ROBO2: variants seen among roughly 807,000 people sequenced by gnomAD.
The protein encoded by ROBO2 is roundabout guidance receptor 2, also known as roundabout homolog 2.
Under a neutral mutation model 160.8 loss-of-function variants are expected in ROBO2, and 53 were observed. The ratio of observed to expected loss-of-function variants is 0.33; its 90% confidence interval spans 0.26 to 0.41. ROBO2 has a LOEUF of 0.41. Ranked by LOEUF, ROBO2 falls within the 10% of genes least tolerant of loss-of-function variation. The pLI is 1.00. For missense variants in ROBO2, 1,577 were observed against 1,722.4 expected (o/e 0.92, Z 1.49); for synonymous variants, 664 against 611.7 (o/e 1.09, Z -1.26).
chr3:77,341,044 A>C (rs1189433184), intron 2 of ROBO2, among the ~76,000 whole-genome samples: 1 of 152,182 alleles, frequency 6.6e-6, no homozygotes, highest in East Asian at 1.9e-4. Context: ...ATAATGTGTG[A>C]AAATAATGTG....
At chr3:77,610,773 T>G (rs376000599) in intron 21 of ROBO2, among the ~76,000 whole-genome samples, 3 of 62,478 alleles carry the variant, frequency 4.8e-5, no homozygotes, top group Admixed American at 1.8e-4. Context: ...AAAAAGAAAA[T>G]AAATATAATA....
chr3:76,272,545 C>T (rs949419916), intron 2 of ROBO2, among the ~76,000 whole-genome samples: 6 of 150,044 alleles, frequency 4.0e-5, no homozygotes, highest in African/African-American at 1.5e-4. Context: ...TGCCTGTAAT[C>T]CCAGCTACTT....
At chr3:77,079,507 G>GA (rs2068397869) in intron 1 of ROBO2, among the ~76,000 whole-genome samples, 1 of 152,030 alleles carries the variant, frequency 6.6e-6, no homozygotes, top group African/African-American at 2.4e-5. Context: ...CTTCGAATTT[G>GA]AGAAAAACCC....
chr3:77,067,562 A>AT, intron 1 of ROBO2, among the ~76,000 whole-genome samples: 1 of 152,152 alleles, frequency 6.6e-6, no homozygotes, highest in East Asian at 1.9e-4. Context: ...ATATCACAGG[A>AT]TTTTTGTGAG....
At chr3:76,654,701 C>T (rs994769252) in intron 2 of ROBO2, among the ~76,000 whole-genome samples, 37 of 151,922 alleles carry the variant, frequency 2.4e-4, no homozygotes, top group African/African-American at 6.8e-4. Flanking sequence ...AAAATTAGAT[C>T]ATAAGAAGCG....
chr3:76,326,602 CT>C (rs1304851492), intron 2 of ROBO2, among the ~76,000 whole-genome samples: 4 of 150,858 alleles, frequency 2.7e-5, no homozygotes, highest in African/African-American at 9.9e-5. Flanking sequence ...GAATTATTAT[CT>C]TTTATTTATT....
At chr3:76,465,368 A>G (rs973246084) in intron 2 of ROBO2, among the ~76,000 whole-genome samples, 1 of 152,108 alleles carries the variant, frequency 6.6e-6, no homozygotes, top group South Asian at 2.1e-4. Context: ...ATGAAAAAAT[A>G]GTGGGTAATA....
intron 2 of ROBO2, among the ~76,000 whole-genome samples, chr3:77,001,898 T>A (rs529310841): frequency 6.6e-6 from 1 of 152,276 alleles, no homozygotes; most frequent in African/African-American, 2.4e-5. Context: ...CCTATCTTCT[T>A]TTATGTGTTT....
chr3:76,026,844 T>G (rs1279797763), intron 2 of ROBO2, among the ~76,000 whole-genome samples: 1 of 151,936 alleles, frequency 6.6e-6, no homozygotes, highest in Non-Finnish European at 1.5e-5. Flanking sequence ...AGACTTTATA[T>G]AGATATTTGA....
chr3:76,941,555 T>C (rs775104222), intron 2 of ROBO2, among the ~76,000 whole-genome samples: 4 of 152,174 alleles, frequency 2.6e-5, no homozygotes, highest in East Asian at 1.9e-4. Context: ...AACTGAGTCA[T>C]CGTGCATGTT....
chr3:77,433,857 C>T (rs1171552795), intron 2 of ROBO2, among the ~76,000 whole-genome samples: 2 of 151,992 alleles, frequency 1.3e-5, no homozygotes, highest in Admixed American at 1.3e-4. Flanking sequence ...TGTCCCTTCC[C>T]TTTCCCTTAT....
chr3:77,277,176 C>CT (rs1324477545), intron 2 of ROBO2, among the ~76,000 whole-genome samples: 1 of 101,582 alleles, frequency 9.8e-6, no homozygotes, highest in South Asian at 3.6e-4. Flanking sequence ...TTCTTTCTTT[C>CT]TTTCTTTCTT....
At chr3:77,093,133 T>C (rs547312615) in intron 1 of ROBO2, among the ~76,000 whole-genome samples, 38 of 152,252 alleles carry the variant, frequency 2.5e-4, no homozygotes, top group African/African-American at 8.7e-4. Context: ...GCAGTGCTTA[T>C]CAAACGGTAT....
chr3:76,900,363 T>C (rs1240624191), intron 2 of ROBO2, among the ~76,000 whole-genome samples: 2 of 152,200 alleles, frequency 1.3e-5, no homozygotes, highest in South Asian at 4.1e-4. Context: ...TAAGCTTAGG[T>C]TGGTTGGAGA....
intron 2 of ROBO2, among the ~76,000 whole-genome samples, chr3:75,969,372 A>T (rs1407365291): frequency 6.6e-6 from 1 of 150,782 alleles, no homozygotes; most frequent in African/African-American, 2.4e-5. Flanking sequence ...TACTGCAATA[A>T]ACACGGGAAT....
chr3:77,360,786 C>A (rs1394362191), intron 2 of ROBO2, among the ~76,000 whole-genome samples: 1 of 152,108 alleles, frequency 6.6e-6, no homozygotes, highest in Non-Finnish European at 1.5e-5. Context: ...CCCATCTCCA[C>A]ATTTTCACAA....
intron 2 of ROBO2, among the ~76,000 whole-genome samples, chr3:76,394,968 A>G (rs1306709680): frequency 6.6e-6 from 1 of 152,164 alleles, no homozygotes; most frequent in Admixed American, 6.6e-5. Flanking sequence ...GCTCTGCACC[A>G]AGCAGACCTA....
chr3:77,041,973 C>T (rs2149620281), intron 1 of ROBO2, among the ~76,000 whole-genome samples: 1 of 152,294 alleles, frequency 6.6e-6, no homozygotes, highest in South Asian at 2.1e-4. Context: ...TGGGACACTG[C>T]CTATTTTGGC....
chr3:76,137,729 GCTGC>G (rs1417340234), intron 2 of ROBO2, among the ~76,000 whole-genome samples: 1 of 151,722 alleles, frequency 6.6e-6, no homozygotes, highest in East Asian at 1.9e-4. Context: ...GTTCCAAGAG[GCTGC>G]CTCACTCCTT....
Sources: allele counts gnomAD v4.1 joint callset (sites outside exome capture counted in the v4.1 genomes callset), GRCh38; gene constraint gnomAD v4.1.1; transcripts MANE v1.5; gene names NCBI Gene and HGNC (gene_info 2026-07-23, HGNC 2026-07-21).